Variants in SLC47A2 observed in about 807,000 individuals in gnomAD.
The protein encoded by SLC47A2 is solute carrier family 47 member 2.
In SLC47A2, 52 loss-of-function variants were observed where a neutral mutation model predicts 67.7. That is an observed-to-expected ratio of 0.77 (90% CI 0.61 to 0.97). SLC47A2 has a LOEUF of 0.97. Among genes scored for constraint, SLC47A2 ranks in the 50% least tolerant of loss-of-function variants. The pLI is 0.00. For missense variants in SLC47A2, 676 were observed against 712.3 expected, an observed-to-expected ratio of 0.95 and a Z score of 0.58; for synonymous variants, 278 against 292.9, an observed-to-expected ratio of 0.95 and a Z score of 0.52.
intron 13 of SLC47A2, among the ~76,000 whole-genome samples, chr17:19,690,912 G>C (rs936474147): frequency 6.6e-6 from 1 of 152,044 alleles, no homozygotes; most frequent in Non-Finnish European, 1.5e-5. Flanking sequence ...CTGAGGTCGG[G>C]AGTTCTAAAC....
Position 19,681,459 on chromosome 17 carries a change from G to A in SLC47A2, c.1300C>T (p.Leu434Phe), listed in dbSNP as rs1316112359. The change falls in exon 15 of 17, where the codon CTC becomes TTC. Residue 434 changes from leucine to phenylalanine, a missense_variant and splice_region_variant. Transcript: ENST00000433844. ...ACACAGGCCAGCATGCCCAGCCAGA[G>A]GCCTGGAGGAGACAAGTGATGATGG... ...TFVVRMRIMG[L>F]WLGMLACVFL... The A allele has an allele frequency of 1.2e-6, 2 of 1,614,046 alleles. No individual in the cohort carries two copies. Among genetic ancestry groups the A allele is most frequent in the African/African-American group, 2.7e-5 (2 of 75,038 alleles).
chr17:19,711,000 G>A (rs1458633938), intron 5 of SLC47A2, among the ~76,000 whole-genome samples: 8 of 150,204 alleles, frequency 5.3e-5, no homozygotes, highest in Admixed American at 2.0e-4. Flanking sequence ...GTAGAGAAAG[G>A]GTTTCTCCAT....
At chr17:19,702,235 C>T in intron 13 of SLC47A2, 1 of 985,354 alleles carries the variant, frequency 1.0e-6, no homozygotes, top group East Asian at 1.1e-4. Context: ...AGAAATGTCC[C>T]TCTGTGCTGG....
chr17:19,707,638 C>T (rs1441781245), intron 8 of SLC47A2, 108 bp downstream of exon 8: 2 of 951,432 alleles, frequency 2.1e-6, no homozygotes, highest in African/African-American at 3.3e-5. Flanking sequence ...CCTGCACCTC[C>T]TCCAACAGGC....
At chr17:19,690,594 T>C (rs1163603056) in intron 13 of SLC47A2, among the ~76,000 whole-genome samples, 8 of 152,044 alleles carry the variant, frequency 5.3e-5, no homozygotes, top group Non-Finnish European at 1.0e-4. Context: ...CTAATCCGAT[T>C]TAAAAATGGA....
intron 9 of SLC47A2, 141 bp downstream of exon 9, chr17:19,706,507 A>T: frequency 1.6e-6 from 1 of 642,864 alleles, no homozygotes; most frequent in Non-Finnish European, 2.6e-6. Flanking sequence ...GGGCCTGGCC[A>T]GTGAAGCTGG....
At position 19,710,185 on chromosome 17, in the gene SLC47A2, G is replaced by A. The variant is rs141934451; in HGVS notation, c.487-1425C>T. On this transcript the variant is annotated intron_variant, in intron 5 of 16. Transcript: ENST00000433844. The stretch of plus-strand genomic sequence containing the variant: ...GGCTGTCTAGCACACAGAACTGCCA[G>A]TCGTAACAGGCATCACTAAGCTGCA... Among the ~76,000 whole-genome samples the A allele has an allele frequency of 1.7e-3, 264 of 152,294 alleles. 6 individuals carry two copies. In the East Asian group the frequency reaches 0.041, roughly 24 times the overall value.
At chr17:19,714,106 C>G (rs754598058) in intron 3 of SLC47A2, 133 bp from the exon 4 acceptor site, 124 of 1,232,006 alleles carry the variant, frequency 1.0e-4, no homozygotes, top group Non-Finnish European at 1.3e-4. Flanking sequence ...CACAGCCTGG[C>G]GCCCGCAGCC....
Position 19,713,475 on chromosome 17 carries a change from G to A in SLC47A2, c.443+350C>T, listed in dbSNP as rs142293636. On this transcript the variant is annotated intron_variant, in intron 4 of 16. Transcript: ENST00000433844. ...AGTGGTTGTCATCTTTCTCCTTTTCGGAATATGGGAAAATGCACACACTTC... is the reference window on the plus strand; with the variant it reads ...AGTGGTTGTCATCTTTCTCCTTTTCAGAATATGGGAAAATGCACACACTTC... Among the ~76,000 whole-genome samples the A allele has an allele frequency of 7.4e-3, 1,128 of 152,072 alleles. 18 individuals carry two copies. Among genetic ancestry groups the A allele is most frequent in the African/African-American group, 0.026 (1,058 of 41,490 alleles).
In SLC47A2 at chr17:19,708,348, C is replaced by A. The variant is rs147034810; in HGVS notation, c.583G>T (p.Gly195Cys). 4.3e-6 allele frequency: 7 copies of A among 1,613,666 alleles called. No homozygotes were observed. The highest frequency in any genetic ancestry group is 5.9e-6 in the Non-Finnish European group (7 of 1,180,030). The change falls in exon 7 of 17, where the codon GGT becomes TGT. Residue 195 changes from glycine to cysteine, a missense_variant. By Grantham distance (159) the Gly-to-Cys change is radical. Transcript: ENST00000433844. ...LSGVVGNCVN[G>C]VANYALVSVL... ...GAAACCAGGGCATAGTTGGCCACAC[C>A]GTTGACACAGTTGCCCACCACACCA... is the stretch of plus-strand genomic sequence containing the variant.
At chr17:19,679,406 C>T (rs1477811384) in intron 16 of SLC47A2, among the ~76,000 whole-genome samples, 1 of 152,152 alleles carries the variant, frequency 6.6e-6, no homozygotes, top group Non-Finnish European at 1.5e-5. Context: ...GAGCTGGGGC[C>T]ATCACTTCAT....
upstream of SLC47A2, chr17:19,717,441 T>C (rs1363692337): frequency 6.6e-6 from 1 of 152,316 alleles, no homozygotes; most frequent in Non-Finnish European, 1.5e-5. Flanking sequence ...AAGAGAGGCA[T>C]CTAAGGATTG....
At chr17:19,715,029 C>T in intron 2 of SLC47A2, 87 bp downstream of exon 2, 2 of 1,444,190 alleles carry the variant, frequency 1.4e-6, no homozygotes, top group South Asian at 1.1e-5. Context: ...CATCCCTGAC[C>T]AGCCACCCAA....
intron 13 of SLC47A2, among the ~76,000 whole-genome samples, chr17:19,690,382 A>G (rs2085514073): frequency 6.6e-6 from 1 of 152,110 alleles, no homozygotes; most frequent in African/African-American, 2.4e-5. Context: ...CTTGAATAAT[A>G]CCCCCAAAGC....
chr17:19,714,000 C>T (rs2086180533), intron 3 of SLC47A2, 27 bp from the exon 4 acceptor site: 3 of 1,603,880 alleles, frequency 1.9e-6, no homozygotes, highest in Admixed American at 1.7e-5. Context: ...CCCGCGTCAG[C>T]CGTTTCCACT....
chr17:19,711,443 T>G (rs1201357458), intron 5 of SLC47A2, among the ~76,000 whole-genome samples: 1 of 151,010 alleles, frequency 6.6e-6, no homozygotes, highest in African/African-American at 2.4e-5. Flanking sequence ...AATACAAAAA[T>G]TAGCTGGGCA....
chr17:19,703,979 A>G (rs1370217264), intron 11 of SLC47A2, 91 bp downstream of exon 11: 8 of 996,354 alleles, frequency 8.0e-6, no homozygotes, highest in African/African-American at 5.0e-5. Context: ...TCCCGAGGCC[A>G]GCCCTGCCTC....
chr17:19,714,650 A>G lies in SLC47A2; in HGVS notation c.294+71T>C, dbSNP rs2086200194. Reference sequence around the variant, plus strand: ...CCTGGCTGCGCCCCTCCCACCTGCCATCTCCATGGCACCTGTGGAATTGGC... The same window carrying G: ...CCTGGCTGCGCCCCTCCCACCTGCCGTCTCCATGGCACCTGTGGAATTGGC... On this transcript the variant is annotated intron_variant, in intron 3 of 16. Coordinates refer to ENST00000433844, the MANE Select transcript of SLC47A2 (RefSeq NM_001099646.3). 5 of 1,584,326 alleles carry G rather than the reference A, an allele frequency of 3.2e-6. No homozygotes were observed. In the South Asian group the frequency reaches 4.4e-5, roughly 14 times the overall value.
intron 8 of SLC47A2, 64 bp downstream of exon 8, chr17:19,707,682 C>T: frequency 6.9e-7 from 1 of 1,448,138 alleles, no homozygotes; most frequent in Non-Finnish European, 9.5e-7. Flanking sequence ...ACCACCCTGC[C>T]CCAAGGCTAG....
Sources: gnomAD v4.1 joint callset for allele counts (sites outside exome capture counted in the v4.1 genomes callset) on GRCh38, gnomAD v4.1.1 for gene constraint, MANE v1.5 for transcripts, NCBI Gene and HGNC (gene_info 2026-07-23, HGNC 2026-07-21) for gene names.